TMEM232: variants seen among roughly 807,000 people sequenced by gnomAD.
TMEM232 encodes the protein transmembrane protein 232.
In TMEM232, 80 loss-of-function variants were observed where a neutral mutation model predicts 78.8. The observed-to-expected ratio is 1.01, with a 90% confidence interval of 0.85 to 1.22. TMEM232 has a LOEUF of 1.22. Ranked by LOEUF, TMEM232 falls within the 50% of genes most tolerant of loss-of-function variation. TMEM232 has a pLI of 0.00. For missense variants in TMEM232, 881 were observed against 742.2 expected (o/e 1.19, Z -2.17); for synonymous variants, 297 against 254.3 (o/e 1.17, Z -1.60).
At chr5:110,488,488 A>C (rs924556239) in intron 12 of TMEM232, among the ~76,000 whole-genome samples, 1 of 152,136 alleles carries the variant, frequency 6.6e-6, no homozygotes, top group African/African-American at 2.4e-5. Context: ...CAATTGGTTC[A>C]AGAAGAAATA....
At chr5:110,522,276 T>C (rs557854045) in intron 12 of TMEM232, among the ~76,000 whole-genome samples, 1 of 152,324 alleles carries the variant, frequency 6.6e-6, no homozygotes, top group Admixed American at 6.5e-5. Context: ...CTCTGTATCC[T>C]GCAACTTTAC....
intron 8 of TMEM232, among the ~76,000 whole-genome samples, chr5:110,614,581 C>T (rs573156773): frequency 6.6e-6 from 1 of 152,056 alleles, no homozygotes; most frequent in East Asian, 1.9e-4. Flanking sequence ...TTCCACCATT[C>T]GATATTCTTA....
chr5:110,646,534 A>T (rs1787502629), intron 2 of TMEM232, among the ~76,000 whole-genome samples: 1 of 151,830 alleles, frequency 6.6e-6, no homozygotes, highest in African/African-American at 2.4e-5. Flanking sequence ...ATCCCACACC[A>T]TGTTCAAAAA....
At chr5:110,490,177 GAAAGAAAGAAAGAAA>G (rs1764920540) in intron 12 of TMEM232, among the ~76,000 whole-genome samples, 1 of 125,730 alleles carries the variant, frequency 8.0e-6, no homozygotes, top group Non-Finnish European at 1.6e-5. Context: ...AAGAAAGAAA[GAAAGAAAGAAAGAAA>G]AAGTTAATTG....
intron 7 of TMEM232, among the ~76,000 whole-genome samples, chr5:110,619,489 G>A (rs747278359): frequency 1.5e-4 from 23 of 152,244 alleles, no homozygotes; most frequent in Admixed American, 7.2e-4. Flanking sequence ...TGGAGATAAA[G>A]ACATGAGGAA....
chr5:110,690,008 T>C lies in TMEM232; in HGVS notation c.-12-22644A>G, dbSNP rs148931015. 2.1e-4 allele frequency among the ~76,000 whole-genome samples: 32 copies of C among 152,236 alleles called. No homozygotes were observed. The East Asian group carries it at 2.9e-3, about 14-fold the overall frequency. ...ACTCAAGATGGTTTAAAAACTTAAA[T>C]GTAAAACCTAAAACCATAAAAACCT... On this transcript the variant is annotated intron_variant, in intron 1 of 13. Transcript: ENST00000455884.
intron 1 of TMEM232, among the ~76,000 whole-genome samples, chr5:110,679,842 G>C (rs550784738): frequency 3.8e-4 from 58 of 151,790 alleles, no homozygotes; most frequent in Non-Finnish European, 5.3e-4. Flanking sequence ...TATGTCTGTT[G>C]GTTCTAAGTA....
downstream of TMEM232, among the ~76,000 whole-genome samples, chr5:110,418,729 G>A (rs958318944): frequency 1.3e-5 from 2 of 152,136 alleles, no homozygotes; most frequent in Non-Finnish European, 2.9e-5. Context: ...GCTAATCAGA[G>A]CAAACATAAA....
Position 110,638,310 on chromosome 5 carries a change from T to C in TMEM232, c.389A>G (p.Asp130Gly). Reference sequence around the variant, plus strand: ...AAATAAGGCAGGCAGATGATCATAATCAAAGGAAGCATGGTCCAGAGATGC... The same window carrying C: ...AAATAAGGCAGGCAGATGATCATAACCAAAGGAAGCATGGTCCAGAGATGC... ...LYASLDHASF[D>G]YDHLPALFFV... Residue 130 changes from aspartate to glycine, a missense_variant, in exon 5 of 14, where the codon GAT becomes GGT. By Grantham distance (94) the Asp-to-Gly change is moderately conservative. Coordinates refer to ENST00000455884, the MANE Select transcript of TMEM232 (RefSeq NM_001039763.4). The C allele has an allele frequency of 6.4e-7, 1 of 1,550,970 alleles. No homozygotes were observed. The highest frequency in any genetic ancestry group is 1.4e-5 in the African/African-American group (1 of 73,104).
rs77830506 is a variant in TMEM232 at position 110,637,764 on chromosome 5, G to C, written c.501+434C>G. The stretch of plus-strand genomic sequence containing the variant: ...TTATAAAATATGAGTTACCTGAAAA[G>C]AGTTTTTCATTTTTATAGATCTAAA... On this transcript the variant is annotated intron_variant, in intron 5 of 13. Transcript: ENST00000455884. Among the ~76,000 whole-genome samples the C allele has an allele frequency of 2.0e-5, 3 of 152,034 alleles. No individual in the cohort carries two copies. In the East Asian group the frequency reaches 5.8e-4, roughly 29 times the overall value.
intron 11 of TMEM232, among the ~76,000 whole-genome samples, chr5:110,558,572 G>T (rs770902265): frequency 1.4e-4 from 21 of 152,068 alleles, no homozygotes; most frequent in Non-Finnish European, 2.6e-4. Context: ...CCTGGGGAGA[G>T]GCCAGCAGAC....
chr5:110,672,869 C>G (rs1292471360), intron 1 of TMEM232, among the ~76,000 whole-genome samples: 1 of 152,106 alleles, frequency 6.6e-6, no homozygotes, highest in African/African-American at 2.4e-5. Flanking sequence ...AATAAGACCA[C>G]ATTGCATTGT....
intron 11 of TMEM232, among the ~76,000 whole-genome samples, chr5:110,561,373 A>ATG (rs964706279): frequency 4.0e-5 from 6 of 150,822 alleles, no homozygotes; most frequent in Non-Finnish European, 5.9e-5. Context: ...CAAGACCATA[A>ATG]TGTGTGTGTG....
chr5:110,510,009 GT>G (rs1476439853), intron 12 of TMEM232, among the ~76,000 whole-genome samples: 8 of 151,922 alleles, frequency 5.3e-5, no homozygotes, highest in Non-Finnish European at 1.2e-4. Flanking sequence ...GGCTTGGTTT[GT>G]TTTTTGCTTT....
At chr5:110,686,037 T>C (rs905591995) in intron 1 of TMEM232, among the ~76,000 whole-genome samples, 1 of 148,514 alleles carries the variant, frequency 6.7e-6, no homozygotes, top group Admixed American at 6.6e-5. Flanking sequence ...GTAACATGGG[T>C]ATATGTATGT....
intron 5 of TMEM232, among the ~76,000 whole-genome samples, chr5:110,633,200 A>G (rs1340032867): frequency 6.6e-6 from 1 of 152,208 alleles, no homozygotes; most frequent in Non-Finnish European, 1.5e-5. Flanking sequence ...AAGAACATTC[A>G]TTATCAATAG....
downstream of TMEM232, among the ~76,000 whole-genome samples, chr5:110,418,445 A>G (rs1756353043): frequency 6.6e-6 from 1 of 152,168 alleles, no homozygotes; most frequent in South Asian, 2.1e-4. Context: ...GAGAAAGACC[A>G]TGAGAAATGC....
At chr5:110,640,790 TGTC>T (rs2150014373) in intron 4 of TMEM232, 98 bp downstream of exon 4, 4 of 718,524 alleles carry the variant, frequency 5.6e-6, no homozygotes, top group Non-Finnish European at 8.2e-6. Flanking sequence ...AAAAATTTCT[TGTC>T]TTCTGCACAA....
intron 8 of TMEM232, among the ~76,000 whole-genome samples, chr5:110,606,803 GT>G (rs1414810039): frequency 4.0e-5 from 6 of 151,526 alleles, no homozygotes; most frequent in Admixed American, 2.0e-4. Flanking sequence ...TGAAAGACTA[GT>G]TTTTTTTAAT....
Sources: allele counts gnomAD v4.1 joint callset (sites outside exome capture counted in the v4.1 genomes callset), GRCh38; gene constraint gnomAD v4.1.1; transcripts MANE v1.5; gene names NCBI Gene and HGNC (gene_info 2026-07-23, HGNC 2026-07-21).